DGKB: variants seen among roughly 807,000 people sequenced by gnomAD.
DGKB encodes the protein diacylglycerol kinase beta, also known as 90 kDa diacylglycerol kinase.
A neutral mutation model predicts 114.3 loss-of-function variants in DGKB; 67 were observed. The ratio of observed to expected loss-of-function variants is 0.59; its 90% CI spans 0.48 to 0.72. The LOEUF (loss-of-function observed/expected upper bound fraction) is 0.72. Among genes scored for constraint, DGKB ranks in the 30% least tolerant of loss-of-function variants. The pLI is 0.00. For synonymous variants in DGKB, 398 were observed against 323.1 expected, an observed-to-expected ratio of 1.23 and a Z score of -2.49; for missense variants, 907 against 975.2, an observed-to-expected ratio of 0.93 and a Z score of 0.93.
At chr7:14,719,352 A>G (rs1401493491) in intron 5 of DGKB, among the ~76,000 whole-genome samples, 2 of 152,162 alleles carry the variant, frequency 1.3e-5, no homozygotes, top group African/African-American at 2.4e-5. Flanking sequence ...TGTCTGTTCT[A>G]TCACAAGGAT....
intron 20 of DGKB, among the ~76,000 whole-genome samples, chr7:14,508,405 C>T (rs4721343): frequency 0.54 from 82,188 of 152,048 alleles, 22,717 homozygotes; most frequent in East Asian, 0.81. Flanking sequence ...ATTTAAATAA[C>T]CCATTTTCTG....
chr7:14,316,656 A>G (rs1285550621), intron 23 of DGKB, among the ~76,000 whole-genome samples: 1 of 138,932 alleles, frequency 7.2e-6, no homozygotes, highest in Admixed American at 7.2e-5. Flanking sequence ...CTTACCAACC[A>G]AAAAGAGTCC....
At chr7:14,810,197 G>A (rs994933648) in intron 2 of DGKB, among the ~76,000 whole-genome samples, 3 of 152,184 alleles carry the variant, frequency 2.0e-5, no homozygotes, top group African/African-American at 4.8e-5. Context: ...AGAGGTCAAT[G>A]ACACAAGCAC....
At chr7:14,865,138 T>A (rs1019926692) in intron 1 of DGKB, among the ~76,000 whole-genome samples, 39 of 152,200 alleles carry the variant, frequency 2.6e-4, no homozygotes, top group Non-Finnish European at 4.7e-4. Context: ...GTTAATTCCA[T>A]TAATGGAACT....
intron 2 of DGKB, among the ~76,000 whole-genome samples, chr7:14,760,401 T>A (rs1835514445): frequency 6.6e-6 from 1 of 152,186 alleles, no homozygotes; most frequent in Admixed American, 6.5e-5. Flanking sequence ...TGGCAAAAAA[T>A]TACAATAATT....
intron 20 of DGKB, among the ~76,000 whole-genome samples, chr7:14,516,398 G>A (rs1201028216): frequency 6.6e-6 from 1 of 152,144 alleles, no homozygotes; most frequent in African/African-American, 2.4e-5. Context: ...AGGGTTCAAT[G>A]TACTTTCCAA....
chr7:14,572,756 T>C (rs1398937880), intron 20 of DGKB, among the ~76,000 whole-genome samples: 2 of 152,178 alleles, frequency 1.3e-5, no homozygotes, highest in Admixed American at 1.3e-4. Flanking sequence ...TTTATACAGT[T>C]CATATGAGTG....
At chr7:14,219,734 C>A (rs1441335150) in intron 23 of DGKB, among the ~76,000 whole-genome samples, 1 of 151,676 alleles carries the variant, frequency 6.6e-6, no homozygotes, top group Non-Finnish European at 1.5e-5. Flanking sequence ...TGTCTTTTCA[C>A]TTTCTTGATA....
At chr7:14,660,736 G>A (rs868202766) in intron 13 of DGKB, among the ~76,000 whole-genome samples, 10 of 151,878 alleles carry the variant, frequency 6.6e-5, no homozygotes, top group East Asian at 1.9e-4. Flanking sequence ...AAAAGAGCCC[G>A]CATCGCCAAG....
At chr7:14,958,008 G>A (rs952250581) in intron 1 of DGKB, among the ~76,000 whole-genome samples, 5 of 151,934 alleles carry the variant, frequency 3.3e-5, no homozygotes, top group East Asian at 1.9e-4. Context: ...TTGTGTTTAC[G>A]TAAAATCAGT....
chr7:14,429,749 T>C (rs1583875979), intron 21 of DGKB, among the ~76,000 whole-genome samples: 1 of 152,148 alleles, frequency 6.6e-6, no homozygotes, highest in African/African-American at 2.4e-5. Flanking sequence ...GGCAAAACCC[T>C]GTCTCTACTA....
At chr7:14,888,660 A>G (rs1336632803) in intron 1 of DGKB, among the ~76,000 whole-genome samples, 3 of 151,752 alleles carry the variant, frequency 2.0e-5, no homozygotes, top group African/African-American at 7.2e-5. Flanking sequence ...CTAAAAGAGA[A>G]TATTTGTTAA....
intron 9 of DGKB, among the ~76,000 whole-genome samples, chr7:14,692,057 A>T (rs1405359715): frequency 1.3e-5 from 2 of 152,106 alleles, no homozygotes; most frequent in African/African-American, 4.8e-5. Context: ...TATTGGTTTA[A>T]AATACTTTGA....
chr7:14,962,632 GTGTT>G lies in DGKB; in HGVS notation c.-188+12060_-188+12063del, dbSNP rs1195204735. 7.7e-4 allele frequency among the ~76,000 whole-genome samples: 105 copies of G among 136,162 alleles called. 1 individual carries two copies. The highest frequency in any genetic ancestry group is 7.7e-3 in the South Asian group (32 of 4,150). 89.3% of individuals were successfully genotyped at this position (136,162 alleles called of 152,430 possible). ...AATAGCTATAGCTGTGTGTGTGTGTGTGTTTGTGTGTGTGTGTGTGTGTGTGTGT... is the reference window on the plus strand; with the variant it reads ...AATAGCTATAGCTGTGTGTGTGTGTGTGTGTGTGTGTGTGTGTGTGTGTGT... On this transcript the variant is annotated intron_variant, in intron 1 of 4. Coordinates refer to the DGKB transcript ENST00000437998.
intron 1 of DGKB, among the ~76,000 whole-genome samples, chr7:14,894,940 A>C (rs556187770): frequency 1.3e-5 from 2 of 151,736 alleles, no homozygotes; most frequent in Admixed American, 1.3e-4. Flanking sequence ...ATATATCATG[A>C]CAAACAACAT....
At chr7:14,527,791 A>C (rs2128583693) in intron 20 of DGKB, among the ~76,000 whole-genome samples, 1 of 152,260 alleles carries the variant, frequency 6.6e-6, no homozygotes, top group South Asian at 2.1e-4. Flanking sequence ...ATAGAATCAC[A>C]GAAAAATGAT....
chr7:14,153,341 A>C (rs1354151117), intron 25 of DGKB, among the ~76,000 whole-genome samples: 1 of 152,166 alleles, frequency 6.6e-6, no homozygotes, highest in Non-Finnish European at 1.5e-5. Flanking sequence ...AGTTTAGAAC[A>C]GAGGTGGATC....
intron 23 of DGKB, among the ~76,000 whole-genome samples, chr7:14,307,961 G>A (rs566232851): frequency 1.4e-5 from 2 of 140,484 alleles, no homozygotes; most frequent in Non-Finnish European, 3.0e-5. Context: ...ACAAATATCA[G>A]TAAGAACCTT....
chr7:14,674,247 G>A (rs1279802251), intron 12 of DGKB, among the ~76,000 whole-genome samples: 3 of 152,038 alleles, frequency 2.0e-5, no homozygotes, highest in African/African-American at 4.8e-5. Context: ...CTTCTCAGGG[G>A]CATATAAACT....
Sources: gnomAD v4.1 joint callset for allele counts (sites outside exome capture counted in the v4.1 genomes callset) on GRCh38, gnomAD v4.1.1 for gene constraint, MANE v1.5 for transcripts, NCBI Gene and HGNC (gene_info 2026-07-23, HGNC 2026-07-21) for gene names.